Variants in ERGIC1 observed in about 807,000 individuals in gnomAD.
The protein encoded by ERGIC1 is endoplasmic reticulum-golgi intermediate compartment 1, also known as endoplasmic reticulum-Golgi intermediate compartment protein 1.
Under a neutral mutation model 38.3 loss-of-function variants are expected in ERGIC1, and 19 were observed. That is an observed-to-expected ratio of 0.50 (90% confidence interval 0.35 to 0.73). ERGIC1 has a LOEUF of 0.73. ERGIC1 is among the 30% of genes least tolerant of loss of function. The pLI is 0.01. For synonymous variants in ERGIC1, 124 were observed against 157.6 expected (o/e 0.79, Z 1.60); for missense variants, 294 against 389.2 (o/e 0.76, Z 2.06).
In ERGIC1 at chr5:172,855,500, AC is replaced by A. The variant is rs986498753; in HGVS notation, c.20+21068del. On this transcript the variant is annotated intron_variant, in intron 1 of 9. Transcript: ENST00000393784. ...GGCTGACCCCACAGACATGGTCCCC[AC>A]TGTCATGGGGCTTACACTTAAACAG... is the stretch of plus-strand genomic sequence containing the variant. 2.0e-5 allele frequency among the ~76,000 whole-genome samples: 3 copies of A among 152,194 alleles called. No individual in the cohort carries two copies. The East Asian group carries it at 5.8e-4, about 29-fold the overall frequency.
intron 2 of ERGIC1, among the ~76,000 whole-genome samples, chr5:172,893,506 G>C (rs1406799358): frequency 1.3e-5 from 2 of 152,056 alleles, no homozygotes; most frequent in East Asian, 3.9e-4. Flanking sequence ...TCGGGGCTTG[G>C]GGGAGGAGGG....
intron 9 of ERGIC1, among the ~76,000 whole-genome samples, chr5:172,943,270 TA>T (rs1202883243): frequency 1.3e-5 from 2 of 152,014 alleles, no homozygotes; most frequent in Non-Finnish European, 2.9e-5. Flanking sequence ...ATAGGAATTG[TA>T]AAAATGTCAG....
chr5:172,892,564 G>A (rs1762594599), intron 2 of ERGIC1, among the ~76,000 whole-genome samples: 1 of 152,112 alleles, frequency 6.6e-6, no homozygotes, highest in Admixed American at 6.5e-5. Flanking sequence ...CTACCATCAA[G>A]CCTTCTCCTG....
chr5:172,888,257 C>T (rs189134886), intron 1 of ERGIC1, among the ~76,000 whole-genome samples: 4 of 152,130 alleles, frequency 2.6e-5, no homozygotes, highest in African/African-American at 9.6e-5. Context: ...CTTAGGAGTT[C>T]GAGACCAGCC....
chr5:172,938,998 G>C (rs1763946731), intron 9 of ERGIC1, among the ~76,000 whole-genome samples: 1 of 152,018 alleles, frequency 6.6e-6, no homozygotes, highest in African/African-American at 2.4e-5. Context: ...GGCAGACAGA[G>C]GTTGCAGTGA....
At chr5:172,872,409 A>G (rs1338333966) in intron 1 of ERGIC1, among the ~76,000 whole-genome samples, 1 of 152,194 alleles carries the variant, frequency 6.6e-6, no homozygotes, top group African/African-American at 2.4e-5. Flanking sequence ...TGCTCAGTAA[A>G]TATCATTCTC....
intron 2 of ERGIC1, among the ~76,000 whole-genome samples, chr5:172,889,590 G>T (rs1012133142): frequency 6.6e-6 from 1 of 152,136 alleles, no homozygotes; most frequent in Non-Finnish European, 1.5e-5. Flanking sequence ...GCAGCAGTTT[G>T]AGTAATAAAA....
At chr5:172,877,479 G>A (rs760145192) in intron 1 of ERGIC1, among the ~76,000 whole-genome samples, 20 of 85,908 alleles carry the variant, frequency 2.3e-4, no homozygotes, top group Non-Finnish European at 2.7e-4. Flanking sequence ...TTTTTTTTGA[G>A]ATGGAGTTTT....
intron 9 of ERGIC1, among the ~76,000 whole-genome samples, chr5:172,944,646 G>A (rs1179042060): frequency 6.6e-6 from 1 of 152,162 alleles, no homozygotes; most frequent in Non-Finnish European, 1.5e-5. Flanking sequence ...GGCGTGAGCC[G>A]CCGCACCCGG....
chr5:172,877,458 A>ATATT (rs58452182), intron 1 of ERGIC1, among the ~76,000 whole-genome samples: 5 of 86,624 alleles, frequency 5.8e-5, no homozygotes, highest in African/African-American at 2.1e-4. Flanking sequence ...ATATATATAT[A>ATATT]TTTTTTTTTT....
At position 172,838,612 on chromosome 5, in the gene ERGIC1, T is replaced by A. The variant is rs1761086957; in HGVS notation, c.20+4179T>A. Among the ~76,000 whole-genome samples, 3 of 152,156 alleles carry A rather than the reference T, an allele frequency of 2.0e-5. No individual in the cohort carries two copies. The South Asian group carries it at 6.2e-4, about 31-fold the overall frequency. On this transcript the variant is annotated intron_variant, in intron 1 of 9. Coordinates refer to ENST00000393784, the MANE Select transcript of ERGIC1 (RefSeq NM_001031711.3). ...TGAATTCCTTTTTAAAAAAAAATTA[T>A]ATAGAGATGGGGTCTTGCTATGTTG... is the stretch of plus-strand genomic sequence containing the variant.
intron 5 of ERGIC1, 72 bp from the exon 6 acceptor site, chr5:172,923,933 C>A: frequency 1.5e-6 from 2 of 1,353,190 alleles, no homozygotes; most frequent in Non-Finnish European, 2.1e-6. Context: ...CTGGATCACA[C>A]AGGGTGAGGC....
chr5:172,902,593 C>A (rs1052836502), intron 3 of ERGIC1, among the ~76,000 whole-genome samples: 1 of 152,186 alleles, frequency 6.6e-6, no homozygotes, highest in Non-Finnish European at 1.5e-5. Context: ...GGTGCTGGGA[C>A]TTTGGCTTTG....
chr5:172,886,477 C>T (rs1183721582), intron 1 of ERGIC1, among the ~76,000 whole-genome samples: 1 of 152,144 alleles, frequency 6.6e-6, no homozygotes, highest in African/African-American at 2.4e-5. Context: ...CTTCTCCTTC[C>T]CTTTCTTTGC....
intron 4 of ERGIC1, among the ~76,000 whole-genome samples, chr5:172,913,245 A>G (rs1346096633): frequency 6.6e-6 from 1 of 152,236 alleles, no homozygotes; most frequent in Non-Finnish European, 1.5e-5. Flanking sequence ...CGGCACTGGG[A>G]AGAGGGCTGT....
At chr5:172,940,647 G>T (rs1252005127) in intron 9 of ERGIC1, among the ~76,000 whole-genome samples, 2 of 152,140 alleles carry the variant, frequency 1.3e-5, no homozygotes, top group African/African-American at 4.8e-5. Context: ...GGATGGCGAT[G>T]ACACCCTCCC....
intron 3 of ERGIC1, among the ~76,000 whole-genome samples, chr5:172,906,384 G>A (rs1763024772): frequency 6.6e-6 from 1 of 152,170 alleles, no homozygotes; most frequent in East Asian, 1.9e-4. Flanking sequence ...CTGGTTTTAA[G>A]ATGGGGCTCA....
chr5:172,931,486 C>T (rs1763773536), intron 7 of ERGIC1, among the ~76,000 whole-genome samples: 1 of 152,202 alleles, frequency 6.6e-6, no homozygotes, highest in African/African-American at 2.4e-5. Flanking sequence ...CAGCAGCTCC[C>T]CCATCCAGGA....
intron 5 of ERGIC1, chr5:172,917,677 G>GA (rs1252590947): frequency 1.3e-5 from 2 of 152,080 alleles, no homozygotes; most frequent in African/African-American, 4.8e-5. Context: ...TTGGATGGGG[G>GA]AAAAATTGAC....
Sources: allele counts gnomAD v4.1 joint callset (sites outside exome capture counted in the v4.1 genomes callset), GRCh38; gene constraint gnomAD v4.1.1; transcripts MANE v1.5; gene names NCBI Gene and HGNC (gene_info 2026-07-23, HGNC 2026-07-21).